DGKB: variants seen among roughly 807,000 people sequenced by gnomAD.
DGKB encodes the protein 90 kDa diacylglycerol kinase.
In DGKB, 67 loss-of-function variants were observed where a neutral mutation model predicts 114.3. The observed-to-expected ratio is 0.59, with a 90% confidence interval of 0.48 to 0.72. The LOEUF is 0.72. Ranked by LOEUF, DGKB falls within the 30% of genes least tolerant of loss-of-function variation. The pLI, the probability that DGKB is intolerant of heterozygous loss-of-function variation, is 0.00. For synonymous variants in DGKB, 398 were observed against 323.1 expected (o/e 1.23, Z -2.49); for missense variants, 907 against 975.2 (o/e 0.93, Z 0.93).
chr7:14,261,486 T>G (rs1383782888), intron 23 of DGKB, among the ~76,000 whole-genome samples: 1 of 152,122 alleles, frequency 6.6e-6, no homozygotes, highest in Admixed American at 6.6e-5. Context: ...GAACAGAACT[T>G]TTAGACACAT....
At chr7:14,612,344 G>T (rs112508571) in intron 16 of DGKB, among the ~76,000 whole-genome samples, 1 of 151,464 alleles carries the variant, frequency 6.6e-6, no homozygotes, top group African/African-American at 2.4e-5. Context: ...TAATTTTTTC[G>T]TATTTTAGTA....
chr7:14,720,821 G>T (rs888949179), intron 5 of DGKB, among the ~76,000 whole-genome samples: 6 of 150,586 alleles, frequency 4.0e-5, no homozygotes, highest in Admixed American at 3.3e-4. Flanking sequence ...ACCAAAGAAG[G>T]CAGGGAATTG....
intron 8 of DGKB, among the ~76,000 whole-genome samples, chr7:14,695,212 C>T (rs1335335696): frequency 6.6e-6 from 1 of 152,058 alleles, no homozygotes; most frequent in Non-Finnish European, 1.5e-5. Flanking sequence ...CTCCTCTTGC[C>T]TCTCAAGAGC....
At chr7:14,742,951 A>G (rs565800605) in intron 4 of DGKB, among the ~76,000 whole-genome samples, 16 of 152,330 alleles carry the variant, frequency 1.1e-4, no homozygotes, top group African/African-American at 3.8e-4. Context: ...TCTAAATTTA[A>G]TATTGCAAAA....
chr7:14,176,937 A>T (rs1398819728), intron 24 of DGKB, 38 bp from the exon 25 acceptor site: 5 of 1,611,370 alleles, frequency 3.1e-6, no homozygotes, highest in Non-Finnish European at 4.2e-6. Flanking sequence ...TTGCAAGGAA[A>T]TACTTTATAT....
chr7:14,576,959 T>C lies in DGKB; in HGVS notation c.1610-2587A>G, dbSNP rs1799215348. Among the ~76,000 whole-genome samples the C allele has an allele frequency of 3.3e-5, 5 of 152,210 alleles. No individual in the cohort carries two copies. In the South Asian group the frequency reaches 1.0e-3, roughly 32 times the overall value. ...ATTCACATAGATAAACTCTGAACTGTAGTCCCCCATTTAACAAATATCTTT... is the reference window on the plus strand; with the variant it reads ...ATTCACATAGATAAACTCTGAACTGCAGTCCCCCATTTAACAAATATCTTT... On this transcript the variant is annotated intron_variant, in intron 19 of 25. Transcript: ENST00000402815.
At chr7:14,876,219 A>C (rs1421392435) in intron 1 of DGKB, among the ~76,000 whole-genome samples, 2 of 152,094 alleles carry the variant, frequency 1.3e-5, no homozygotes, top group African/African-American at 4.8e-5. Context: ...TGACACAACG[A>C]CCCAAAAGTT....
At chr7:14,600,553 G>C (rs939102010) in intron 17 of DGKB, among the ~76,000 whole-genome samples, 1 of 152,052 alleles carries the variant, frequency 6.6e-6, no homozygotes, top group Non-Finnish European at 1.5e-5. Flanking sequence ...TTATTTTGAG[G>C]AAAATTCCCC....
intron 2 of DGKB, among the ~76,000 whole-genome samples, chr7:14,825,574 G>A (rs2109499): frequency 0.43 from 65,103 of 151,766 alleles, 14,498 homozygotes; most frequent in Non-Finnish European, 0.48. Context: ...GACAGGAGGC[G>A]AGGCTCAGGT....
intron 23 of DGKB, among the ~76,000 whole-genome samples, chr7:14,263,030 T>G (rs1243551528): frequency 6.6e-6 from 1 of 152,126 alleles, no homozygotes; most frequent in Middle Eastern, 3.4e-3. Flanking sequence ...GGCTGCACAT[T>G]CTATCTTAGA....
chr7:14,966,620 A>G (rs1313469941), intron 1 of DGKB, among the ~76,000 whole-genome samples: 3 of 152,112 alleles, frequency 2.0e-5, no homozygotes, highest in Non-Finnish European at 2.9e-5. Flanking sequence ...GGAACATTCA[A>G]TCAAAGTTGT....
At chr7:14,190,556 T>TAAAC (rs143661449) in intron 23 of DGKB, among the ~76,000 whole-genome samples, 1 of 151,548 alleles carries the variant, frequency 6.6e-6, no homozygotes, top group African/African-American at 2.4e-5. Flanking sequence ...AGAGCAGAAA[T>TAAAC]AAACAAAATT....
chr7:14,380,506 CAT>C (rs1276269032), intron 21 of DGKB, among the ~76,000 whole-genome samples: 1 of 152,048 alleles, frequency 6.6e-6, no homozygotes, highest in African/African-American at 2.4e-5. Flanking sequence ...AAATATCACT[CAT>C]ATTGTTTTCA....
intron 21 of DGKB, among the ~76,000 whole-genome samples, chr7:14,433,657 A>C (rs572889577): frequency 4.6e-5 from 7 of 152,236 alleles, no homozygotes; most frequent in African/African-American, 1.7e-4. Context: ...CCCCCCTTTT[A>C]ACTTTGGACA....
chr7:14,559,923 T>TCCTTCCTC (rs1196317386), intron 20 of DGKB, among the ~76,000 whole-genome samples: 1 of 151,782 alleles, frequency 6.6e-6, no homozygotes, highest in Non-Finnish European at 1.5e-5. Context: ...TCTCCTTCCT[T>TCCTTCCTC]CCTTCCTCCC....
intron 23 of DGKB, among the ~76,000 whole-genome samples, chr7:14,297,920 CAGAG>C (rs1416250655): frequency 6.6e-6 from 1 of 152,076 alleles, no homozygotes; most frequent in African/African-American, 2.4e-5. Flanking sequence ...AATAGACAAA[CAGAG>C]AGCCAAATCA....
At position 14,529,942 on chromosome 7, in the gene DGKB, T is replaced by G. The variant is rs1991686; in HGVS notation, c.1770+44270A>C. On this transcript the variant is annotated intron_variant, in intron 20 of 25. Transcript: ENST00000402815. ...ACTTAGTCAAGTGAAATGCTATAAGTAGTAACTTATAAAGTTGTTACTCTT... is the reference window on the plus strand; with the variant it reads ...ACTTAGTCAAGTGAAATGCTATAAGGAGTAACTTATAAAGTTGTTACTCTT... 3.1e-3 allele frequency among the ~76,000 whole-genome samples: 474 copies of G among 151,610 alleles called. 3 individuals carry two copies. Among genetic ancestry groups the G allele is most frequent in the African/African-American group, 0.011 (451 of 41,418 alleles).
chr7:14,969,683 C>A (rs1787351292), intron 1 of DGKB, among the ~76,000 whole-genome samples: 1 of 152,116 alleles, frequency 6.6e-6, no homozygotes, highest in Non-Finnish European at 1.5e-5. Flanking sequence ...AACCATGCAT[C>A]CCCCAACCCC....
intron 1 of DGKB, among the ~76,000 whole-genome samples, chr7:14,919,062 G>GCGCACACA (rs1213217913): frequency 0.097 from 11,386 of 117,934 alleles, 763 homozygotes; most frequent in Middle Eastern, 0.16. Flanking sequence ...TCCACCACAC[G>GCGCACACA]CACACACACA....
Sources: allele counts gnomAD v4.1 joint callset (sites outside exome capture counted in the v4.1 genomes callset), GRCh38; gene constraint gnomAD v4.1.1; transcripts MANE v1.5; gene names NCBI Gene and HGNC (gene_info 2026-07-23, HGNC 2026-07-21).